ZNF41: variants seen among roughly 807,000 people sequenced by gnomAD.
ZNF41 encodes the protein zinc finger protein 41.
Under a neutral mutation model 9.3 loss-of-function variants are expected in ZNF41, and 6 were observed. The observed-to-expected ratio is 0.65, with a 90% CI of 0.35 to 1.28. The LOEUF is 1.28. Among genes scored for constraint, ZNF41 ranks in the 50% most tolerant of loss-of-function variants. The probability of loss-of-function intolerance (pLI) is 0.03; values close to 1 mark genes in which losing one functional copy is unlikely to be tolerated. For missense variants in ZNF41, 523 were observed against 585.8 expected, an observed-to-expected ratio of 0.89 and a Z score of 1.11; for synonymous variants, 192 against 207.1, an observed-to-expected ratio of 0.93 and a Z score of 0.63.
chrX:47,453,800 G>A (rs1267120514), intron 4 of ZNF41, among the ~76,000 whole-genome samples: 3 of 111,908 alleles, frequency 2.7e-5, no homozygotes, highest in Admixed American at 9.5e-5. Context: ...GGCCGGGCGC[G>A]GTGGGTCACA....
intron 1 of ZNF41, among the ~76,000 whole-genome samples, chrX:47,479,836 C>A (rs983432957): frequency 5.4e-5 from 6 of 111,626 alleles, no homozygotes; most frequent in African/African-American, 1.6e-4. Context: ...GTGGCTCATG[C>A]CTGTAATCCC....
At chrX:47,466,982 G>A (rs1381295563) in intron 2 of ZNF41, among the ~76,000 whole-genome samples, 1 of 111,894 alleles carries the variant, frequency 8.9e-6, no homozygotes, top group African/African-American at 3.2e-5. Flanking sequence ...GGGGAAAGGG[G>A]CACTGGTGGG....
At position 47,449,162 on chromosome X, in the gene ZNF41, T is replaced by C. The variant is rs2056261080; in HGVS notation, c.608A>G (p.His203Arg). ...DTILKHTLNS[H>R]NHNRNSATKN... is the part of the protein sequence containing the mutation. The stretch of plus-strand genomic sequence containing the variant: ...TGTTGCACTGTTTCTATTATGATTA[T>C]GTGAGTTTAAAGTATGCTTCAAAAT... Residue 203 changes from histidine to arginine, a missense_variant, in exon 5 of 5, where the codon CAT becomes CGT. By Grantham distance (29) the His-to-Arg change is conservative (BLOSUM62 0). Transcript: ENST00000684689. The C allele has an allele frequency of 3.3e-6, 4 of 1,209,998 alleles. No homozygotes were observed. The highest frequency in any genetic ancestry group is 3.5e-5 in the African/African-American group (2 of 57,243).
chrX:47,451,194 G>A (rs1422379790), intron 4 of ZNF41, among the ~76,000 whole-genome samples: 2 of 111,879 alleles, frequency 1.8e-5, no homozygotes, highest in Non-Finnish European at 3.8e-5. Flanking sequence ...TATAATGTAT[G>A]TTCCTTTGAA....
In ZNF41 at chrX:47,483,198, G is replaced by A. The variant is rs928117070; in HGVS notation, c.-383C>T. Among the ~76,000 whole-genome samples the A allele has an allele frequency of 3.6e-5, 4 of 111,968 alleles. No homozygotes were observed. The highest frequency in any genetic ancestry group is 1.3e-4 in the African/African-American group (4 of 30,808). ...AACCTGTGCAGTTGCCGCGGGGGGA[G>A]TCGTGCGTGTCAGATTTAGGCCAGG... On this transcript the variant is annotated 5_prime_UTR_variant, in exon 1 of 5. Coordinates refer to ENST00000684689, the MANE Select transcript of ZNF41 (RefSeq NM_001324144.2).
rs181326839 is a variant in ZNF41, at chrX:47,479,091, G to A, written c.-280+4004C>T. 2.9e-4 allele frequency among the ~76,000 whole-genome samples: 32 copies of A among 111,501 alleles called. No individual in the cohort carries two copies. In the Admixed American group the frequency reaches 3.1e-3, roughly 11 times the overall value. ...ATGAGGAATGATTGCTAATGGGTAC[G>A]ATGTTTCCTTTTGGGATGATAAAAT... On this transcript the variant is annotated intron_variant, in intron 1 of 4. Coordinates refer to ENST00000684689, the MANE Select transcript of ZNF41 (RefSeq NM_001324144.2).
intron 2 of ZNF41, among the ~76,000 whole-genome samples, chrX:47,456,635 T>C (rs759114245): frequency 4.4e-5 from 5 of 112,388 alleles, no homozygotes; most frequent in Non-Finnish European, 9.4e-5. Flanking sequence ...ATGAGGATTT[T>C]AAATGGGCTC....
At chrX:47,474,876 T>TA (rs35807470) in intron 1 of ZNF41, among the ~76,000 whole-genome samples, 2,530 of 67,455 alleles carry the variant, frequency 0.038, 131 homozygotes, top group African/African-American at 0.12. Flanking sequence ...AGAACCTGTC[T>TA]AAAAAAAAAA....
chrX:47,465,722 G>A (rs997957104), intron 2 of ZNF41, among the ~76,000 whole-genome samples: 11 of 110,645 alleles, frequency 9.9e-5, no homozygotes, highest in East Asian at 2.8e-4. Context: ...TGGGAGGATC[G>A]CCTGAGCCCA....
chrX:47,479,863 G>T (rs372579959), intron 1 of ZNF41, among the ~76,000 whole-genome samples: 1 of 111,793 alleles, frequency 8.9e-6, no homozygotes, highest in Non-Finnish European at 1.9e-5. Context: ...TTGGGAGGCC[G>T]AGGCACGCAG....
intron 4 of ZNF41, 41 bp from the exon 5 acceptor site, chrX:47,449,515 A>C: frequency 8.5e-7 from 1 of 1,181,327 alleles, no homozygotes; most frequent in Non-Finnish European, 1.1e-6. Flanking sequence ...CACAAAGAAC[A>C]ATCAGCAGAG....
intron 1 of ZNF41, among the ~76,000 whole-genome samples, chrX:47,477,840 C>G (rs1569303087): frequency 8.9e-6 from 1 of 112,525 alleles, no homozygotes; most frequent in East Asian, 2.8e-4. Flanking sequence ...TCATTCCACT[C>G]CTGGGTATCC....
rs2056111896 is a variant in ZNF41, at chrX:47,446,296, A to T, written c.*1134T>A. 1 of 111,591 alleles carries T rather than the reference A, an allele frequency of 9.0e-6. No homozygotes were observed. The highest frequency in any genetic ancestry group is 9.7e-5 in the Admixed American group (1 of 10,362). The allele number at this position is 111,591 out of a possible 1,213,427, so 9.2% of individuals were successfully genotyped here. A position where few individuals can be genotyped will look rare whatever the true frequency, so the allele number is the denominator to read the frequency against. On this transcript the variant is annotated 3_prime_UTR_variant, in exon 5 of 5. Coordinates refer to ENST00000684689, the MANE Select transcript of ZNF41 (RefSeq NM_001324144.2). ...TCTTCCAGTTATTCAACTATGATAA[A>T]CTGTAATTATGTCTTAGAATAACTA...
In ZNF41 at chrX:47,467,391, G is replaced by T. The variant is rs866934781; in HGVS notation, c.72+19C>A. 1 of 1,176,174 alleles carries T rather than the reference G, an allele frequency of 8.5e-7. No individual in the cohort carries two copies. Among genetic ancestry groups the T allele is most frequent in the East Asian group, 3.1e-5 (1 of 32,028 alleles). ...TTCACTGAATGAATTCTTGCCTCTG[G>T]GGTCCTCTCCCTCCTCACCTCACAT... is the stretch of plus-strand genomic sequence containing the variant. On this transcript the variant is annotated intron_variant, in intron 2 of 4. Coordinates refer to ENST00000684689, the MANE Select transcript of ZNF41 (RefSeq NM_001324144.2).
intron 4 of ZNF41, among the ~76,000 whole-genome samples, chrX:47,452,294 A>G (rs182143297): frequency 9.0e-6 from 1 of 110,903 alleles, no homozygotes; most frequent in East Asian, 2.9e-4. Flanking sequence ...CCAAGCACCT[A>G]GTTCCTGCAG....
chrX:47,473,710 T>C (rs2057257699), intron 1 of ZNF41, among the ~76,000 whole-genome samples: 1 of 112,405 alleles, frequency 8.9e-6, no homozygotes, highest in Non-Finnish European at 1.9e-5. Flanking sequence ...CATTTAGAAC[T>C]GGTACCTTTT....
intron 2 of ZNF41, among the ~76,000 whole-genome samples, chrX:47,458,772 T>G (rs760603090): frequency 3.1e-4 from 34 of 108,835 alleles, no homozygotes; most frequent in Admixed American, 4.9e-4. Context: ...CTTCGTTTTT[T>G]TTTTGTTTTG....
At chrX:47,454,102 A>G (rs773401929) in intron 4 of ZNF41, among the ~76,000 whole-genome samples, 1 of 110,940 alleles carries the variant, frequency 9.0e-6, no homozygotes, top group Non-Finnish European at 1.9e-5. Flanking sequence ...AAAAAGACTG[A>G]ACAGGAGAAA....
At position 47,474,417 on chromosome X, in the gene ZNF41, T is replaced by C. The variant is rs140366058; in HGVS notation, c.-279-6657A>G. On this transcript the variant is annotated intron_variant, in intron 1 of 4. Coordinates refer to ENST00000684689, the MANE Select transcript of ZNF41 (RefSeq NM_001324144.2). ...AGGAGGAGGTTGCAGTGAGCCAAGATTGTGCCACCGCACTCTAGCCTGGGT... is the reference window on the plus strand; with the variant it reads ...AGGAGGAGGTTGCAGTGAGCCAAGACTGTGCCACCGCACTCTAGCCTGGGT... Among the ~76,000 whole-genome samples, 1,034 of 110,566 alleles carry C rather than the reference T, an allele frequency of 9.4e-3. 12 individuals are homozygous for C. Among genetic ancestry groups the C allele is most frequent in the African/African-American group, 0.028 (853 of 30,395 alleles).
Sources: gnomAD v4.1 joint callset for allele counts (sites outside exome capture counted in the v4.1 genomes callset) on GRCh38, gnomAD v4.1.1 for gene constraint, MANE v1.5 for transcripts, NCBI Gene and HGNC (gene_info 2026-07-23, HGNC 2026-07-21) for gene names.